CHN2: variants seen among roughly 807,000 people sequenced by gnomAD.
The protein encoded by CHN2 is beta-chimaerin.
Under a neutral mutation model 56.3 loss-of-function variants are expected in CHN2, and 35 were observed. The ratio of observed to expected loss-of-function variants is 0.62; its 90% CI spans 0.47 to 0.82. The LOEUF (loss-of-function observed/expected upper bound fraction) is 0.82. Ranked by LOEUF, CHN2 falls within the 40% of genes least tolerant of loss-of-function variation. CHN2 has a pLI of 0.00. For missense variants in CHN2, 491 were observed against 580.5 expected (o/e 0.85, Z 1.58); for synonymous variants, 210 against 212.8 (o/e 0.99, Z 0.12).
At chr7:29,181,110 T>C (rs1035989791) in intron 2 of CHN2, among the ~76,000 whole-genome samples, 1 of 152,222 alleles carries the variant, frequency 6.6e-6, no homozygotes, top group Non-Finnish European at 1.5e-5. Context: ...CTAGGGAATT[T>C]GTGTTTTAAA....
intron 2 of CHN2, among the ~76,000 whole-genome samples, chr7:29,152,495 T>C (rs1793729793): frequency 6.6e-6 from 1 of 152,190 alleles, no homozygotes; most frequent in Non-Finnish European, 1.5e-5. Context: ...TATCCACCTT[T>C]ACTGAGCCAA....
chr7:29,377,708 G>A lies in CHN2; in HGVS notation c.144+9721G>A, dbSNP rs143123114. On this transcript the variant is annotated intron_variant, in intron 3 of 12. Transcript: ENST00000222792. ...ACCACTCGCCTGGCATCTGGCTGAT[G>A]CTGACTGAGCCATTGGTAATAATCT... is the stretch of plus-strand genomic sequence containing the variant. 2.9e-4 allele frequency among the ~76,000 whole-genome samples: 44 copies of A among 152,332 alleles called. No individual in the cohort carries two copies. The East Asian group carries it at 7.9e-3, about 27-fold the overall frequency.
chr7:29,450,074 A>G (rs573129788), intron 6 of CHN2, among the ~76,000 whole-genome samples: 4 of 152,290 alleles, frequency 2.6e-5, no homozygotes, highest in African/African-American at 4.8e-5. Flanking sequence ...TTTCACATCA[A>G]TTGAAGAATC....
At chr7:29,215,539 C>G (rs1785272122) in intron 1 of CHN2, among the ~76,000 whole-genome samples, 1 of 152,096 alleles carries the variant, frequency 6.6e-6, no homozygotes, top group African/African-American at 2.4e-5. Context: ...AAGTCTGTTT[C>G]CTAAGGTGTT....
intron 1 of CHN2, among the ~76,000 whole-genome samples, chr7:29,266,271 A>T (rs529072067): frequency 2.6e-5 from 4 of 151,960 alleles, no homozygotes; most frequent in Non-Finnish European, 5.9e-5. Context: ...TTCTTCTGTA[A>T]CTCCTCCCTC....
chr7:29,254,613 C>T (rs13243125), intron 1 of CHN2, among the ~76,000 whole-genome samples: 13,943 of 152,068 alleles, frequency 0.092, 776 homozygotes, highest in Non-Finnish European at 0.1. Context: ...ACGACTGCTC[C>T]AGTAGTAACT....
At chr7:29,501,869 G>T (rs1790005108) in intron 9 of CHN2, among the ~76,000 whole-genome samples, 1 of 152,180 alleles carries the variant, frequency 6.6e-6, no homozygotes, top group Admixed American at 6.5e-5. Flanking sequence ...AAAAGATCAA[G>T]GATTTGAAGT....
chr7:29,356,337 A>G (rs1798315436), intron 2 of CHN2, among the ~76,000 whole-genome samples: 1 of 152,196 alleles, frequency 6.6e-6, no homozygotes, highest in South Asian at 2.1e-4. Flanking sequence ...CACATATATA[A>G]ATATGAATGT....
intron 6 of CHN2, among the ~76,000 whole-genome samples, chr7:29,443,636 C>A (rs922171056): frequency 2.6e-5 from 4 of 152,154 alleles, no homozygotes; most frequent in Non-Finnish European, 5.9e-5. Flanking sequence ...TTCTCACATG[C>A]TTTTCATGGG....
At chr7:29,460,540 C>CT (rs1785092134) in intron 6 of CHN2, among the ~76,000 whole-genome samples, 1 of 152,294 alleles carries the variant, frequency 6.6e-6, no homozygotes, top group African/African-American at 2.4e-5. Context: ...GTTCCTCGGA[C>CT]AAAGGATGTT....
intron 2 of CHN2, among the ~76,000 whole-genome samples, chr7:29,361,680 G>T (rs1354929604): frequency 6.6e-6 from 1 of 152,188 alleles, no homozygotes; most frequent in Non-Finnish European, 1.5e-5. Flanking sequence ...AGCTCAGAGG[G>T]TTCCTAGAGA....
chr7:29,365,746 G>C (rs1799104912), intron 2 of CHN2, among the ~76,000 whole-genome samples: 1 of 152,194 alleles, frequency 6.6e-6, no homozygotes, highest in African/African-American at 2.4e-5. Flanking sequence ...ACAGGCAAAA[G>C]CATTTAGGGC....
intron 6 of CHN2, among the ~76,000 whole-genome samples, chr7:29,473,926 CA>C (rs1420072003): frequency 6.6e-6 from 1 of 151,956 alleles, no homozygotes; most frequent in Non-Finnish European, 1.5e-5. Context: ...CTTTAAAAAT[CA>C]TTTTTATATA....
intron 6 of CHN2, chr7:29,479,647 CCCA>C: frequency 9.8e-7 from 1 of 1,024,566 alleles, no homozygotes; most frequent in Non-Finnish European, 1.2e-6. Context: ...GGTTCAGAGC[CCCA>C]GATTAATTGG....
intron 1 of CHN2, among the ~76,000 whole-genome samples, chr7:29,234,068 C>T (rs1786971679): frequency 6.6e-6 from 1 of 151,168 alleles, no homozygotes; most frequent in Non-Finnish European, 1.5e-5. Flanking sequence ...CTCCTGACCT[C>T]GTGATCCGCC....
intron 1 of CHN2, among the ~76,000 whole-genome samples, chr7:29,318,229 G>A (rs548959452): frequency 6.6e-6 from 1 of 152,228 alleles, no homozygotes; most frequent in African/African-American, 2.4e-5. Flanking sequence ...GTAAACTATG[G>A]CTGCACAGAC....
intron 6 of CHN2, among the ~76,000 whole-genome samples, chr7:29,436,591 C>G (rs1002286430): frequency 1.3e-5 from 2 of 152,146 alleles, no homozygotes; most frequent in East Asian, 3.9e-4. Context: ...CCTTCTGATT[C>G]TTAATGGCAT....
intron 3 of CHN2, among the ~76,000 whole-genome samples, chr7:29,384,592 G>T (rs1410705255): frequency 6.6e-6 from 1 of 152,176 alleles, no homozygotes; most frequent in African/African-American, 2.4e-5. Flanking sequence ...AGTAGCAAAA[G>T]GGCTCAATGC....
At position 29,498,758 on chromosome 7, in the gene CHN2, C is replaced by CTTTTTTTTTT. The variant is rs138784356; in HGVS notation, c.740-1097_740-1088dup. 2.3e-4 allele frequency among the ~76,000 whole-genome samples: 23 copies of CTTTTTTTTTT among 100,070 alleles called. 2 individuals are homozygous for CTTTTTTTTTT. Among genetic ancestry groups the CTTTTTTTTTT allele is most frequent in the African/African-American group, 7.4e-4 (17 of 23,062 alleles). 65.6% of individuals were successfully genotyped at this position (100,070 alleles called of 152,430 possible). On this transcript the variant is annotated intron_variant, in intron 8 of 12. Coordinates refer to ENST00000222792, the MANE Select transcript of CHN2 (RefSeq NM_004067.4). ...TGTAGCAGAATGTAGACTATGCTGC[C>CTTTTTTTTTT]TTTTTTTTTTTTTTTTTTTTTGGAG...
Sources: gnomAD v4.1 joint callset for allele counts (sites outside exome capture counted in the v4.1 genomes callset) on GRCh38, gnomAD v4.1.1 for gene constraint, MANE v1.5 for transcripts, NCBI Gene and HGNC (gene_info 2026-07-23, HGNC 2026-07-21) for gene names.